Variants in IQSEC1 observed in about 807,000 individuals in gnomAD.
IQSEC1 encodes the protein IQ motif and Sec7 domain ArfGEF 1, also known as IQ motif and SEC7 domain-containing protein 1.
A neutral mutation model predicts 91.0 loss-of-function variants in IQSEC1; 31 were observed. The ratio of observed to expected loss-of-function variants is 0.34; its 90% confidence interval spans 0.26 to 0.46. IQSEC1 has a LOEUF of 0.46. Ranked by LOEUF, IQSEC1 falls within the 20% of genes least tolerant of loss-of-function variation. IQSEC1 has a pLI of 1.00. For missense variants in IQSEC1, 1,388 were observed against 1,575.6 expected (o/e 0.88, Z 2.02); for synonymous variants, 699 against 662.6 (o/e 1.05, Z -0.84).
At chr3:12,920,989 G>A (rs1696579200) in intron 5 of IQSEC1, among the ~76,000 whole-genome samples, 1 of 152,310 alleles carries the variant, frequency 6.6e-6, no homozygotes, top group South Asian at 2.1e-4. Flanking sequence ...GGACCTTGAG[G>A]TGAAAGCAGC....
At chr3:12,987,727 A>G (rs1368146407) in intron 1 of IQSEC1, among the ~76,000 whole-genome samples, 1 of 152,236 alleles carries the variant, frequency 6.6e-6, no homozygotes, top group Non-Finnish European at 1.5e-5. Flanking sequence ...TAGCACCCAA[A>G]GAAGCCTCCA....
At position 13,109,970 on chromosome 3, in the gene IQSEC1, C is replaced by T. The variant is rs183824240; in HGVS notation, c.302+54134G>A. ...TGATCTCGGCTCACTGTAACCTCCA[C>T]CTCCCAGGTTCAAGCGATTCTCCTG... On this transcript the variant is annotated intron_variant, in intron 2 of 15. Coordinates refer to the IQSEC1 transcript ENST00000648114. 6.4e-3 allele frequency among the ~76,000 whole-genome samples: 963 copies of T among 150,406 alleles called. 13 individuals are homozygous for T. Among genetic ancestry groups the T allele is most frequent in the African/African-American group, 0.021 (858 of 40,848 alleles).
At chr3:13,077,859 G>A (rs551856604), upstream of IQSEC1, among the ~76,000 whole-genome samples, 2 of 152,334 alleles carry the variant, frequency 1.3e-5, no homozygotes, top group African/African-American at 4.8e-5. Flanking sequence ...CAGTTGAGCA[G>A]CAGTCCTTGA....
intron 1 of IQSEC1, among the ~76,000 whole-genome samples, chr3:13,217,884 G>C (rs1314820365): frequency 6.6e-6 from 1 of 152,150 alleles, no homozygotes; most frequent in Non-Finnish European, 1.5e-5. Flanking sequence ...GCTGATCCCT[G>C]AAAGAGGCCC....
intron 2 of IQSEC1, among the ~76,000 whole-genome samples, chr3:13,160,610 G>A (rs1707157637): frequency 6.6e-6 from 1 of 152,236 alleles, no homozygotes; most frequent in Admixed American, 6.5e-5. Context: ...GTAAGGGGAG[G>A]GTGTTGCGGG....
intron 2 of IQSEC1, among the ~76,000 whole-genome samples, chr3:13,125,297 ATCACCT>A (rs1706494931): frequency 6.6e-6 from 1 of 152,002 alleles, no homozygotes; most frequent in Non-Finnish European, 1.5e-5. Context: ...CCTTTTAATC[ATCACCT>A]TCACAGAGAA....
rs1316365167 is a variant in IQSEC1 at position 13,282,559 on chromosome 3, C to A, written c.272+152G>T. Reference sequence around the variant, plus strand: ...GACCCCGCCAGAGAATCCCAGGGAGCCCCTGGGGGTCTGGCGGCGGGTGTG... The same window carrying A: ...GACCCCGCCAGAGAATCCCAGGGAGACCCTGGGGGTCTGGCGGCGGGTGTG... On this transcript the variant is annotated intron_variant, in intron 1 of 15. Transcript: ENST00000648114. The surrounding 1 kb of genome is among the most constrained non-coding windows in gnomAD (Gnocchi z 6.4). Among the ~76,000 whole-genome samples, 1 of 151,886 alleles carries A rather than the reference C, an allele frequency of 6.6e-6. No homozygotes were observed. Among genetic ancestry groups the A allele is most frequent in the Non-Finnish European group, 1.5e-5 (1 of 67,892 alleles).
At chr3:13,275,369 C>T (rs1460976166) in intron 1 of IQSEC1, among the ~76,000 whole-genome samples, 1 of 152,162 alleles carries the variant, frequency 6.6e-6, no homozygotes, top group Non-Finnish European at 1.5e-5. Context: ...GGGCAGGGGC[C>T]AGTCTTGTCC....
intron 1 of IQSEC1, among the ~76,000 whole-genome samples, chr3:13,210,525 G>A (rs1380371263): frequency 6.6e-6 from 1 of 152,192 alleles, no homozygotes; most frequent in Non-Finnish European, 1.5e-5. Flanking sequence ...GTGCTCAGAA[G>A]GAGGGGGTTG....
At chr3:13,276,652 G>C (rs933791739) in intron 1 of IQSEC1, among the ~76,000 whole-genome samples, 1 of 152,214 alleles carries the variant, frequency 6.6e-6, no homozygotes, top group African/African-American at 2.4e-5. Context: ...GGGGCCTGCA[G>C]GGTCCCCAGA....
intron 1 of IQSEC1, among the ~76,000 whole-genome samples, chr3:12,962,234 T>C (rs1559677404): frequency 6.6e-6 from 1 of 152,204 alleles, no homozygotes; most frequent in African/African-American, 2.4e-5. Flanking sequence ...TGATCACAAC[T>C]AACATCTACC....
In IQSEC1 at chr3:12,941,931, G is replaced by A. The variant is rs1394180044; in HGVS notation, c.24-66C>T. On this transcript the variant is annotated intron_variant, in intron 1 of 13. Transcript: ENST00000613206. ...AAATCTGAACACGACACCGGGCCGT[G>A]GGGCGTGACCCCACCATGCTCCTGG... is the stretch of plus-strand genomic sequence containing the variant. 5 of 1,415,050 alleles carry A rather than the reference G, an allele frequency of 3.5e-6. No individual in the cohort carries two copies. The East Asian group carries it at 1.2e-4, about 35-fold the overall frequency. The allele number at this position is 1,415,050 out of a possible 1,614,324, so 87.7% of individuals were successfully genotyped here.
intron 1 of IQSEC1, among the ~76,000 whole-genome samples, chr3:13,062,970 C>T (rs376026852): frequency 6.6e-6 from 1 of 152,204 alleles, no homozygotes; most frequent in East Asian, 1.9e-4. Flanking sequence ...CTTCGGAGGT[C>T]GGGCCAGTGT....
intron 2 of IQSEC1, among the ~76,000 whole-genome samples, chr3:13,127,440 AAC>A (rs1368363742): frequency 3.5e-4 from 40 of 114,194 alleles, no homozygotes; most frequent in African/African-American, 2.0e-3. Flanking sequence ...AAAACAAACA[AAC>A]AAAAAAAAAA....
intron 1 of IQSEC1, among the ~76,000 whole-genome samples, chr3:13,204,640 C>A (rs1041610769): frequency 6.6e-6 from 1 of 152,170 alleles, no homozygotes; most frequent in African/African-American, 2.4e-5. Flanking sequence ...AAAGGCCCAG[C>A]GCTGTTAAGG....
chr3:13,092,504 C>G (rs1185985302), intron 2 of IQSEC1, among the ~76,000 whole-genome samples: 1 of 152,110 alleles, frequency 6.6e-6, no homozygotes, highest in African/African-American at 2.4e-5. Flanking sequence ...CTAAAATAAT[C>G]CCAGGAACTG....
At chr3:13,153,959 G>A (rs1707041034) in intron 2 of IQSEC1, among the ~76,000 whole-genome samples, 1 of 152,062 alleles carries the variant, frequency 6.6e-6, no homozygotes, top group African/African-American at 2.4e-5. Context: ...TAGTGGGAGG[G>A]GAAGGCTGGA....
At chr3:13,077,969 C>A (rs1177727479), upstream of IQSEC1, among the ~76,000 whole-genome samples, 1 of 152,242 alleles carries the variant, frequency 6.6e-6, no homozygotes, top group African/African-American at 2.4e-5. Flanking sequence ...TCGGTCCCCA[C>A]TTGCCGCCTT....
intron 1 of IQSEC1, among the ~76,000 whole-genome samples, chr3:13,048,597 C>T (rs1576213713): frequency 1.3e-5 from 2 of 152,206 alleles, no homozygotes; most frequent in African/African-American, 4.8e-5. Flanking sequence ...TGCCATGGGT[C>T]GTCCCAGCTT....
Sources: allele counts gnomAD v4.1 joint callset (sites outside exome capture counted in the v4.1 genomes callset), GRCh38; gene constraint gnomAD v4.1.1; non-coding constraint Gnocchi (gnomAD v3.1); transcripts MANE v1.5; gene names NCBI Gene and HGNC (gene_info 2026-07-23, HGNC 2026-07-21).